Variants in CHST9 observed in about 807,000 individuals in gnomAD.
The protein encoded by CHST9 is carbohydrate sulfotransferase 9.
A neutral mutation model predicts 44.4 loss-of-function variants in CHST9; 41 were observed. The ratio of observed to expected loss-of-function variants is 0.92; its 90% CI spans 0.72 to 1.20. The LOEUF (loss-of-function observed/expected upper bound fraction) is 1.20, where lower values mean the gene tolerates loss of function less well. CHST9 is among the 50% of genes most tolerant of loss of function. The pLI is 0.00. For synonymous variants in CHST9, 171 were observed against 178.4 expected (o/e 0.96, Z 0.33); for missense variants, 504 against 516.5 (o/e 0.98, Z 0.23).
intron 4 of CHST9, among the ~76,000 whole-genome samples, chr18:26,946,746 G>A (rs1165245060): frequency 6.6e-6 from 1 of 152,166 alleles, no homozygotes; most frequent in Non-Finnish European, 1.5e-5. Flanking sequence ...TGGCTAGCCA[G>A]TTTTCCCAAC....
At chr18:27,141,283 T>C (rs961288445) in intron 2 of CHST9, among the ~76,000 whole-genome samples, 4 of 151,974 alleles carry the variant, frequency 2.6e-5, no homozygotes, top group African/African-American at 9.7e-5. Flanking sequence ...GAGAATGGCG[T>C]GAACCCAGCA....
At chr18:27,053,169 AGAAGAAGAAG>A (rs2057594877) in intron 2 of CHST9, among the ~76,000 whole-genome samples, 1 of 147,760 alleles carries the variant, frequency 6.8e-6, no homozygotes, top group African/African-American at 2.5e-5. Flanking sequence ...AAGAAGAAGA[AGAAGAAGAAG>A]AAGAAGAAGA....
chr18:26,925,518 T>G (rs574673156), intron 5 of CHST9, among the ~76,000 whole-genome samples: 45 of 152,340 alleles, frequency 3.0e-4, no homozygotes, highest in South Asian at 4.1e-4. Context: ...TATTTCTTGT[T>G]TAATGTCCAT....
At position 27,001,606 on chromosome 18, in the gene CHST9, G is replaced by T. The variant is rs552090694; in HGVS notation, c.202+22510C>A. Among the ~76,000 whole-genome samples, 28 of 151,214 alleles carry T rather than the reference G, an allele frequency of 1.9e-4. No homozygotes were observed. In the South Asian group the frequency reaches 5.9e-3, roughly 32 times the overall value. On this transcript the variant is annotated intron_variant, in intron 4 of 5. Coordinates refer to ENST00000618847, the MANE Select transcript of CHST9 (RefSeq NM_031422.6). ...CTTTGTCTTGCAGAGACTTCATGGG[G>T]CTTGGAGTAAAGGCATTATTAAAAA...
intron 2 of CHST9, among the ~76,000 whole-genome samples, chr18:27,113,868 T>C (rs1443879218): frequency 6.6e-6 from 1 of 152,214 alleles, no homozygotes; most frequent in Non-Finnish European, 1.5e-5. Context: ...TAGTTTAATA[T>C]AGCTAATGAG....
chr18:27,089,612 T>C (rs200353167), intron 2 of CHST9, among the ~76,000 whole-genome samples: 1 of 151,980 alleles, frequency 6.6e-6, no homozygotes, highest in Admixed American at 6.6e-5. Flanking sequence ...TGCATATGTC[T>C]TTATAGTAGC....
chr18:27,119,035 A>C (rs2058352815), intron 2 of CHST9, among the ~76,000 whole-genome samples: 1 of 152,138 alleles, frequency 6.6e-6, no homozygotes, highest in African/African-American at 2.4e-5. Flanking sequence ...TTTTGGAACC[A>C]AAACCTATGT....
Position 26,911,450 on chromosome 18 carries a change from T to C in CHST9, c.*4809A>G, listed in dbSNP as rs533341252. 1 of 152,330 alleles carries C rather than the reference T, an allele frequency of 6.6e-6. No individual in the cohort carries two copies. Among genetic ancestry groups the C allele is most frequent in the African/African-American group, 2.4e-5 (1 of 41,582 alleles). 9.4% of individuals were successfully genotyped at this position (152,330 alleles called of 1,614,324 possible). On this transcript the variant is annotated 3_prime_UTR_variant, in exon 6 of 6. Transcript: ENST00000618847. ...ATTTATTGGTAAGAGAATAATCTGA[T>C]GCATGTTACACCAGGGGAAAACTCT...
intron 5 of CHST9, among the ~76,000 whole-genome samples, chr18:26,932,028 C>T (rs2055887397): frequency 6.6e-6 from 1 of 152,020 alleles, no homozygotes. Context: ...TGAATACAAT[C>T]CTTTGTACCG....
chr18:27,088,171 T>C (rs2058031278), intron 2 of CHST9, among the ~76,000 whole-genome samples: 1 of 152,082 alleles, frequency 6.6e-6, no homozygotes, highest in Non-Finnish European at 1.5e-5. Flanking sequence ...CCTCAGTAAA[T>C]GAGAGGGGAA....
At chr18:27,104,694 G>A (rs936876745) in intron 2 of CHST9, among the ~76,000 whole-genome samples, 3 of 152,176 alleles carry the variant, frequency 2.0e-5, no homozygotes, top group Non-Finnish European at 4.4e-5. Flanking sequence ...GTTGAGATAT[G>A]CACTTTCCAT....
chr18:27,099,194 T>G (rs59245285), intron 2 of CHST9, among the ~76,000 whole-genome samples: 2,878 of 152,200 alleles, frequency 0.019, 80 homozygotes, highest in African/African-American at 0.064. Context: ...TAACTCAAGA[T>G]GGATTAAAAT....
chr18:27,030,579 T>G (rs1292268725), intron 3 of CHST9, among the ~76,000 whole-genome samples: 1 of 152,252 alleles, frequency 6.6e-6, no homozygotes, highest in Non-Finnish European at 1.5e-5. Context: ...AAGCCTTGCC[T>G]GTGCGGAGGC....
intron 4 of CHST9, among the ~76,000 whole-genome samples, chr18:26,995,955 AC>A (rs1444482342): frequency 2.5e-4 from 38 of 152,388 alleles, no homozygotes; most frequent in Admixed American, 1.6e-3. Flanking sequence ...TTCAAGAATT[AC>A]AAAATTAATA....
At chr18:27,068,399 T>C (rs1252318596) in intron 2 of CHST9, among the ~76,000 whole-genome samples, 1 of 152,164 alleles carries the variant, frequency 6.6e-6, no homozygotes, top group Non-Finnish European at 1.5e-5. Context: ...TGTTTCTAGT[T>C]CTTGGGGTAA....
intron 3 of CHST9, among the ~76,000 whole-genome samples, chr18:27,035,448 A>C (rs1184629771): frequency 6.6e-6 from 1 of 152,138 alleles, no homozygotes; most frequent in African/African-American, 2.4e-5. Context: ...CTAAATGTCT[A>C]CCAACAGATA....
chr18:27,137,556 G>A (rs2058526673), intron 2 of CHST9, among the ~76,000 whole-genome samples: 1 of 152,092 alleles, frequency 6.6e-6, no homozygotes. Context: ...TGGAGAATGA[G>A]GCTGAGGAGG....
chr18:26,934,042 G>C (rs1214938043), intron 5 of CHST9, among the ~76,000 whole-genome samples: 1 of 152,152 alleles, frequency 6.6e-6, no homozygotes, highest in Admixed American at 6.5e-5. Context: ...GCCTGGCCAG[G>C]TGGAAGGACA....
In CHST9 at chr18:27,142,736, A is replaced by G. The variant is rs755301732; in HGVS notation, c.74T>C (p.Leu25Pro). ...LSVLIFGVAG[L>P]LLFMYLQVWI... ...GACTTGCAAATACATGAAGAGGAGTAGCCCAGCTACTCCAAATATCAGCAC... is the reference window on the plus strand; with the variant it reads ...GACTTGCAAATACATGAAGAGGAGTGGCCCAGCTACTCCAAATATCAGCAC... Residue 25 changes from leucine to proline, a missense_variant, in exon 2 of 6, where the codon CTA becomes CCA. Leu to Pro is a moderately conservative substitution (Grantham distance 98, BLOSUM62 -3). Coordinates refer to ENST00000618847, the MANE Select transcript of CHST9 (RefSeq NM_031422.6). 6.8e-6 allele frequency: 11 copies of G among 1,612,074 alleles called. No individual in the cohort carries two copies. The highest frequency in any genetic ancestry group is 9.3e-6 in the Non-Finnish European group (11 of 1,178,846).
Sources: gnomAD v4.1 joint callset for allele counts (sites outside exome capture counted in the v4.1 genomes callset) on GRCh38, gnomAD v4.1.1 for gene constraint, MANE v1.5 for transcripts, NCBI Gene and HGNC (gene_info 2026-07-23, HGNC 2026-07-21) for gene names.